ZZZ3: variants seen among roughly 807,000 people sequenced by gnomAD.
The protein encoded by ZZZ3 is zinc finger ZZ-type containing 3, also known as ZZ-type zinc finger-containing protein 3.
In ZZZ3, 22 loss-of-function variants were observed where a neutral mutation model predicts 95.2. That is an observed-to-expected ratio of 0.23 (90% CI 0.17 to 0.33). The LOEUF (loss-of-function observed/expected upper bound fraction) is 0.33. ZZZ3 is among the 10% of genes least tolerant of loss of function. The pLI is 1.00. For missense variants in ZZZ3, 885 were observed against 1,066.5 expected (o/e 0.83, Z 2.37); for synonymous variants, 335 against 358.9 (o/e 0.93, Z 0.75).
intron 1 of ZZZ3, among the ~76,000 whole-genome samples, chr1:77,659,632 G>A (rs1460391763): frequency 1.4e-5 from 2 of 147,452 alleles, no homozygotes; most frequent in African/African-American, 5.0e-5. Flanking sequence ...GCAGTGAGCC[G>A]AGATCACGCC....
intron 1 of ZZZ3, among the ~76,000 whole-genome samples, chr1:77,665,706 T>C (rs1345466581): frequency 1.3e-5 from 2 of 152,198 alleles, no homozygotes; most frequent in African/African-American, 4.8e-5. Flanking sequence ...TTACCAATTA[T>C]AACTCAATAA....
At chr1:77,615,820 A>G (rs957805764) in intron 5 of ZZZ3, among the ~76,000 whole-genome samples, 4 of 152,144 alleles carry the variant, frequency 2.6e-5, no homozygotes, top group Non-Finnish European at 5.9e-5. Context: ...AAAACATTCT[A>G]TTTGGTTTTA....
chr1:77,567,620 T>C (rs1312694877), intron 13 of ZZZ3, among the ~76,000 whole-genome samples: 4 of 152,324 alleles, frequency 2.6e-5, no homozygotes, highest in African/African-American at 9.6e-5. Flanking sequence ...CACGCTCAAC[T>C]ATTTTGTTTA....
At chr1:77,593,687 T>C (rs938949577) in intron 5 of ZZZ3, among the ~76,000 whole-genome samples, 1 of 152,166 alleles carries the variant, frequency 6.6e-6, no homozygotes, top group Non-Finnish European at 1.5e-5. Flanking sequence ...GATTTCATAA[T>C]TACTCTATAA....
chr1:77,615,494 G>A (rs866319714), intron 5 of ZZZ3, among the ~76,000 whole-genome samples: 4 of 152,188 alleles, frequency 2.6e-5, no homozygotes, highest in Admixed American at 6.5e-5. Flanking sequence ...TATATGGTGC[G>A]TATGCAAAAT....
At chr1:77,580,885 C>G (rs1279201363) in intron 9 of ZZZ3, 113 bp downstream of exon 9, 3 of 879,518 alleles carry the variant, frequency 3.4e-6, no homozygotes, top group Non-Finnish European at 5.6e-6. Flanking sequence ...ATCAGCCTCC[C>G]AAAGTGCTGG....
chr1:77,614,714 CTAGA>C (rs1666144373), intron 5 of ZZZ3, among the ~76,000 whole-genome samples: 1 of 152,030 alleles, frequency 6.6e-6, no homozygotes, highest in Non-Finnish European at 1.5e-5. Context: ...GAATATGTTA[CTAGA>C]TAAATTTCTT....
At chr1:77,666,673 C>T (rs933051443) in intron 1 of ZZZ3, among the ~76,000 whole-genome samples, 4 of 152,136 alleles carry the variant, frequency 2.6e-5, no homozygotes, top group African/African-American at 7.2e-5. Context: ...GGCATCATTC[C>T]AGGCTCTAAG....
chr1:77,613,802 C>G (rs1396403970), intron 5 of ZZZ3, among the ~76,000 whole-genome samples: 1 of 152,046 alleles, frequency 6.6e-6, no homozygotes, highest in African/African-American at 2.4e-5. Flanking sequence ...GACTTTTCCC[C>G]TATGTCGAAT....
At chr1:77,622,897 G>A (rs1252032641) in intron 5 of ZZZ3, among the ~76,000 whole-genome samples, 3 of 152,018 alleles carry the variant, frequency 2.0e-5, no homozygotes, top group Non-Finnish European at 2.9e-5. Flanking sequence ...GTAAAAGCTC[G>A]CCCACAGTAA....
chr1:77,646,700 A>G (rs1160980893), intron 1 of ZZZ3, among the ~76,000 whole-genome samples: 2 of 152,240 alleles, frequency 1.3e-5, no homozygotes, highest in Non-Finnish European at 1.5e-5. Flanking sequence ...TATGAAAATT[A>G]TTTCTGACAA....
intron 4 of ZZZ3, among the ~76,000 whole-genome samples, chr1:77,638,047 T>C (rs899226370): frequency 1.3e-5 from 2 of 151,842 alleles, no homozygotes; most frequent in African/African-American, 4.8e-5. Context: ...TACACTGGAG[T>C]TTTTCCTATA....
chr1:77,667,559 T>C (rs1482625593), intron 1 of ZZZ3, among the ~76,000 whole-genome samples: 1 of 152,162 alleles, frequency 6.6e-6, no homozygotes, highest in Non-Finnish European at 1.5e-5. Flanking sequence ...TCCAGCTCTA[T>C]CTAGCCTACC....
intron 1 of ZZZ3, among the ~76,000 whole-genome samples, chr1:77,656,805 G>T (rs1670307969): frequency 6.6e-6 from 1 of 152,164 alleles, no homozygotes; most frequent in African/African-American, 2.4e-5. Context: ...TGCCATAACA[G>T]ATCATATATA....
chr1:77,606,708 C>A (rs1479248821), intron 5 of ZZZ3, among the ~76,000 whole-genome samples: 1 of 152,214 alleles, frequency 6.6e-6, no homozygotes, highest in African/African-American at 2.4e-5. Context: ...CCAGAGAATT[C>A]TTTCAGATCT....
At chr1:77,665,358 C>T (rs1208866664) in intron 1 of ZZZ3, among the ~76,000 whole-genome samples, 1 of 152,108 alleles carries the variant, frequency 6.6e-6, no homozygotes, top group Non-Finnish European at 1.5e-5. Context: ...GGTAACTGAA[C>T]TGTGGACATA....
intron 1 of ZZZ3, among the ~76,000 whole-genome samples, chr1:77,668,834 G>A (rs990755448): frequency 5.3e-5 from 8 of 151,962 alleles, no homozygotes; most frequent in Non-Finnish European, 1.2e-4. Flanking sequence ...CTTCCTTGTT[G>A]GTAAGAATCA....
intron 11 of ZZZ3, among the ~76,000 whole-genome samples, 153 bp from the exon 12 acceptor site, chr1:77,576,373 T>C (rs1362877683): frequency 6.6e-6 from 1 of 152,216 alleles, no homozygotes; most frequent in Non-Finnish European, 1.5e-5. Context: ...TTCTGTTTTC[T>C]GCGTTTTTAA....
chr1:77,579,567 T>C lies in ZZZ3; in HGVS notation c.2042A>G (p.Gln681Arg). 7 of 1,590,790 alleles carry C rather than the reference T, an allele frequency of 4.4e-6. No individual in the cohort carries two copies. Among genetic ancestry groups the C allele is most frequent in the Non-Finnish European group, 6.0e-6 (7 of 1,170,444 alleles). Residue 681 changes from glutamine (Q) to arginine (R), a missense_variant, in exon 10 of 15, where the codon CAG becomes CGG. Transcript: ENST00000370801. ...PPEEVESRRWQKIADELGNRT... is the reference protein window; with the variant it reads ...PPEEVESRRWRKIADELGNRT... The stretch of plus-strand genomic sequence containing the variant: ...GTTGCCCAATTCATCTGCTATCTTC[T>C]GCCAGCGTCGAGATTCTACTTCTTC...
Sources: allele counts gnomAD v4.1 joint callset (sites outside exome capture counted in the v4.1 genomes callset), GRCh38; gene constraint gnomAD v4.1.1; transcripts MANE v1.5; gene names NCBI Gene and HGNC (gene_info 2026-07-23, HGNC 2026-07-21).